The following MIS18BP1 variants were observed in gnomAD, a reference collection of about 807,000 sequenced individuals.
MIS18BP1 encodes mis18-binding protein 1.
In MIS18BP1, 72 loss-of-function variants were observed where a neutral mutation model predicts 116.1. The observed-to-expected ratio is 0.62, with a 90% CI of 0.51 to 0.75. The LOEUF (loss-of-function observed/expected upper bound fraction) is 0.75. Ranked by LOEUF, MIS18BP1 falls within the 30% of genes least tolerant of loss-of-function variation. MIS18BP1 has a pLI of 0.00. For missense variants in MIS18BP1, 1,363 were observed against 1,303.2 expected (o/e 1.05, Z -0.71); for synonymous variants, 386 against 427.0 (o/e 0.90, Z 1.18).
At chr14:45,217,273 T>C (rs1890846441) in intron 12 of MIS18BP1, 94 bp from the exon 13 acceptor site, 2 of 1,416,118 alleles carry the variant, frequency 1.4e-6, no homozygotes, top group African/African-American at 1.4e-5. Context: ...AAATTGTGCA[T>C]TCATGTTAAA....
intron 2 of MIS18BP1, among the ~76,000 whole-genome samples, chr14:45,243,722 A>G (rs575263413): frequency 2.3e-4 from 35 of 152,222 alleles, no homozygotes; most frequent in Middle Eastern, 3.4e-3. Flanking sequence ...TATATCTTTA[A>G]CTCATTCTAC....
intron 4 of MIS18BP1, among the ~76,000 whole-genome samples, chr14:45,240,483 T>G (rs112723196): frequency 5.5e-4 from 84 of 151,974 alleles, no homozygotes; most frequent in African/African-American, 1.7e-3. Flanking sequence ...CTCTAGGCTG[T>G]ATTTCCAGTG....
At chr14:45,220,395 C>T (rs1482457206) in intron 11 of MIS18BP1, among the ~76,000 whole-genome samples, 1 of 152,118 alleles carries the variant, frequency 6.6e-6, no homozygotes, top group African/African-American at 2.4e-5. Flanking sequence ...CTACCCAAGA[C>T]TCATATCAAA....
rs755815721 is a variant in MIS18BP1 at position 45,247,036 on chromosome 14, G to A, written c.251C>T (p.Thr84Ile). The A allele has an allele frequency of 3.7e-6, 6 of 1,613,098 alleles. No individual in the cohort carries two copies. The highest frequency in any genetic ancestry group is 4.2e-6 in the Non-Finnish European group (5 of 1,179,708). The change falls in exon 2 of 17, where the codon ACT becomes ATT. Residue 84 changes from threonine to isoleucine, a missense_variant. Physicochemically the swap from Thr to Ile is moderately conservative, Grantham distance 89. Transcript: ENST00000310806. ...IFQSTMLTEA[T>I]TSNSSLDISA... is the part of the protein sequence containing the mutation. ...GATATCAAGAGAACTGTTAGAGGTA[G>A]TAGCCTCTGTTAGCATAGTTGATTG...
intron 6 of MIS18BP1, among the ~76,000 whole-genome samples, chr14:45,233,970 G>C (rs1039082803): frequency 2.0e-4 from 31 of 152,114 alleles, no homozygotes; most frequent in African/African-American, 6.7e-4. Context: ...ACCACGCAGT[G>C]TATTAAAAGA....
intron 1 of MIS18BP1, among the ~76,000 whole-genome samples, chr14:45,248,055 G>GT (rs3036381): frequency 0.15 from 16,353 of 109,046 alleles, 1,982 homozygotes; most frequent in African/African-American, 0.34. Flanking sequence ...TGTTTCTTTC[G>GT]TTTTTTTTTT....
intron 1 of MIS18BP1, among the ~76,000 whole-genome samples, 199 bp from the exon 2 acceptor site, chr14:45,247,576 T>A (rs1891757003): frequency 6.6e-6 from 1 of 152,098 alleles, no homozygotes; most frequent in Non-Finnish European, 1.5e-5. Context: ...TGTACACGCC[T>A]GTAGTCCTAG....
chr14:45,221,476 T>G (rs909827433), intron 11 of MIS18BP1, among the ~76,000 whole-genome samples: 1 of 149,104 alleles, frequency 6.7e-6, no homozygotes, highest in Admixed American at 6.6e-5. Context: ...AAAAGAATAT[T>G]TTCTACTTTC....
At chr14:45,231,720 AAGAATATTATCTTTAC>A (rs547032522) in intron 7 of MIS18BP1, among the ~76,000 whole-genome samples, 8 of 152,362 alleles carry the variant, frequency 5.3e-5, no homozygotes, top group African/African-American at 1.7e-4. Flanking sequence ...ATATGCCTGC[AAGAATATTATCTTTAC>A]AGAATATGCC....
chr14:45,223,477 T>A (rs1891029207), intron 11 of MIS18BP1, among the ~76,000 whole-genome samples: 1 of 152,202 alleles, frequency 6.6e-6, no homozygotes. Context: ...CTCAGGAGGC[T>A]GAGGCAGGAG....
At chr14:45,226,182 G>A (rs903576097) in intron 10 of MIS18BP1, among the ~76,000 whole-genome samples, 3 of 152,012 alleles carry the variant, frequency 2.0e-5, no homozygotes, top group African/African-American at 2.4e-5. Flanking sequence ...TACTTAAACC[G>A]AATATGAACT....
intron 8 of MIS18BP1, among the ~76,000 whole-genome samples, chr14:45,229,982 T>C (rs1891231246): frequency 1.3e-5 from 2 of 152,168 alleles, no homozygotes; most frequent in Admixed American, 6.5e-5. Context: ...AACGTATTCC[T>C]TTCTCTGCAT....
At chr14:45,246,626 C>A in intron 2 of MIS18BP1, 117 bp downstream of exon 2, 1 of 882,658 alleles carries the variant, frequency 1.1e-6, no homozygotes, top group Non-Finnish European at 1.6e-6. Context: ...ATGAGCTACA[C>A]AAGGGCAAGG....
At chr14:45,243,652 G>A (rs1891643989) in intron 2 of MIS18BP1, among the ~76,000 whole-genome samples, 1 of 152,140 alleles carries the variant, frequency 6.6e-6, no homozygotes, top group Non-Finnish European at 1.5e-5. Context: ...TTTGGTCTCA[G>A]AAATCTTAAG....
intron 1 of MIS18BP1, among the ~76,000 whole-genome samples, chr14:45,250,846 T>C (rs1302816705): frequency 6.6e-6 from 1 of 152,026 alleles, no homozygotes; most frequent in Non-Finnish European, 1.5e-5. Flanking sequence ...GACCATCCTG[T>C]CTAACACGGT....
chr14:45,208,595 G>GTCTT (rs921612437), intron 14 of MIS18BP1, among the ~76,000 whole-genome samples: 6 of 152,120 alleles, frequency 3.9e-5, no homozygotes, highest in African/African-American at 1.2e-4. Flanking sequence ...GCCTCCCAAA[G>GTCTT]TGCTGGGATT....
At chr14:45,247,955 T>C (rs1891766172) in intron 1 of MIS18BP1, among the ~76,000 whole-genome samples, 1 of 151,972 alleles carries the variant, frequency 6.6e-6, no homozygotes, top group Non-Finnish European at 1.5e-5. Flanking sequence ...AAATAAATGG[T>C]AAATTGTTTT....
At chr14:45,214,737 T>C (rs531706016) in intron 13 of MIS18BP1, among the ~76,000 whole-genome samples, 29 of 152,318 alleles carry the variant, frequency 1.9e-4, no homozygotes, top group African/African-American at 6.3e-4. Context: ...CTATTTCTAC[T>C]TTAGTTCTGT....
intron 4 of MIS18BP1, 76 bp from the exon 5 acceptor site, chr14:45,237,797 A>T: frequency 6.6e-7 from 1 of 1,504,480 alleles, no homozygotes; most frequent in Non-Finnish European, 8.8e-7. Flanking sequence ...ACTTACATTA[A>T]AAGAAAAAAC....
Sources: allele counts gnomAD v4.1 joint callset (sites outside exome capture counted in the v4.1 genomes callset), GRCh38; gene constraint gnomAD v4.1.1; transcripts MANE v1.5; gene names NCBI Gene and HGNC (gene_info 2026-07-23, HGNC 2026-07-21).